Variants in MYH15 observed in about 807,000 individuals in gnomAD.
MYH15 encodes myosin-15.
A neutral mutation model predicts 240.5 loss-of-function variants in MYH15; 227 were observed. The observed-to-expected ratio is 0.94, with a 90% confidence interval of 0.85 to 1.05. The LOEUF (loss-of-function observed/expected upper bound fraction) is 1.05, where lower values mean the gene tolerates loss of function less well. Ranked by LOEUF, MYH15 falls within the 50% of genes least tolerant of loss-of-function variation. MYH15 has a pLI of 0.00. For synonymous variants in MYH15, 785 were observed against 796.7 expected (o/e 0.99, Z 0.25); for missense variants, 2,217 against 2,247.5 (o/e 0.99, Z 0.27).
chr3:108,398,611 T>C, intron 35 of MYH15, 26 bp downstream of exon 35: 2 of 1,610,784 alleles, frequency 1.2e-6, no homozygotes, highest in South Asian at 2.2e-5. Context: ...CTGGCCCAGC[T>C]AATAGGGAGA....
In MYH15 at chr3:108,522,332, T is replaced by C. The variant is rs1007420336; in HGVS notation, c.-58+6931A>G. ...AAAGGGTAGATAGGTGTGGTGACCCTGGAGATTCAAATTTTTCCTAGGGCA... is the reference window on the plus strand; with the variant it reads ...AAAGGGTAGATAGGTGTGGTGACCCCGGAGATTCAAATTTTTCCTAGGGCA... On this transcript the variant is annotated intron_variant, in intron 1 of 41. Coordinates refer to the MYH15 transcript ENST00000273353. Among the ~76,000 whole-genome samples the C allele has an allele frequency of 2.0e-5, 3 of 152,188 alleles. No individual in the cohort carries two copies. In the South Asian group the frequency reaches 6.2e-4, roughly 32 times the overall value.
chr3:108,468,983 T>C (rs556417544), intron 14 of MYH15, among the ~76,000 whole-genome samples: 95 of 152,320 alleles, frequency 6.2e-4, no homozygotes, highest in African/African-American at 2.2e-3. Flanking sequence ...TTTATCACTG[T>C]TTTTAATCAG....
intron 20 of MYH15, 149 bp from the exon 21 acceptor site, chr3:108,454,291 C>A: frequency 1.6e-6 from 1 of 642,772 alleles, no homozygotes. Flanking sequence ...AAATCTACTT[C>A]TTAGAAAGTT....
At chr3:108,478,924 CACTT>C (rs778403730) in intron 11 of MYH15, among the ~76,000 whole-genome samples, 89 of 152,278 alleles carry the variant, frequency 5.8e-4, no homozygotes, top group Non-Finnish European at 1.0e-3. Flanking sequence ...GATTATTTGT[CACTT>C]ACTCCAGAGA....
intron 27 of MYH15, among the ~76,000 whole-genome samples, chr3:108,425,931 A>G (rs2082721731): frequency 6.6e-6 from 1 of 152,208 alleles, no homozygotes; most frequent in Admixed American, 6.5e-5. Context: ...AAACTGGAAG[A>G]CAGACCATCC....
At position 108,388,952 on chromosome 3, in the gene MYH15, A is replaced by G; in HGVS notation, c.5535+18T>C. 2 of 1,609,110 alleles carry G rather than the reference A, an allele frequency of 1.2e-6. No individual in the cohort carries two copies. The highest frequency in any genetic ancestry group is 1.7e-6 in the Non-Finnish European group (2 of 1,176,606). On this transcript the variant is annotated intron_variant, in intron 38 of 40. Transcript: ENST00000693548. ...GTAGTGCCCAGCCAGACAAACAGGG[A>G]ATGGTTTCCTGGAGTACCTGATAGG...
intron 21 of MYH15, among the ~76,000 whole-genome samples, chr3:108,452,407 G>A (rs1294794453): frequency 6.6e-6 from 1 of 151,842 alleles, no homozygotes; most frequent in Non-Finnish European, 1.5e-5. Context: ...AAAAAAAAAG[G>A]AAATAACAAA....
At chr3:108,458,098 C>G (rs557130713) in intron 18 of MYH15, among the ~76,000 whole-genome samples, 2 of 152,222 alleles carry the variant, frequency 1.3e-5, no homozygotes, top group Non-Finnish European at 2.9e-5. Flanking sequence ...AATCCTATGA[C>G]ACCTTAACAT....
chr3:108,386,796 C>A (rs894791633), intron 38 of MYH15, among the ~76,000 whole-genome samples: 4 of 151,960 alleles, frequency 2.6e-5, no homozygotes, highest in African/African-American at 9.7e-5. Context: ...ATTTCCTTAT[C>A]CCTAAAAATG....
At chr3:108,431,660 G>A (rs1290206975) in intron 25 of MYH15, among the ~76,000 whole-genome samples, 1 of 152,172 alleles carries the variant, frequency 6.6e-6, no homozygotes, top group Non-Finnish European at 1.5e-5. Context: ...AGTAGAGTGG[G>A]GTGCTGATGA....
chr3:108,518,895 G>T (rs1386826135), intron 1 of MYH15, among the ~76,000 whole-genome samples: 1 of 151,982 alleles, frequency 6.6e-6, no homozygotes, highest in Non-Finnish European at 1.5e-5. Context: ...TTGTTTAATT[G>T]CCCATCTTCC....
chr3:108,513,514 T>G (rs911665483), upstream of MYH15, among the ~76,000 whole-genome samples: 3 of 152,190 alleles, frequency 2.0e-5, no homozygotes, highest in African/African-American at 7.2e-5. Flanking sequence ...CAATACATAC[T>G]GATTAGGTTC....
At chr3:108,406,522 T>C (rs1254318736) in intron 32 of MYH15, among the ~76,000 whole-genome samples, 4 of 152,216 alleles carry the variant, frequency 2.6e-5, no homozygotes, top group Non-Finnish European at 5.9e-5. Flanking sequence ...AATAGTGTAG[T>C]AGTTCCTTCA....
chr3:108,431,640 A>T (rs939081271), intron 25 of MYH15, among the ~76,000 whole-genome samples: 1 of 152,158 alleles, frequency 6.6e-6, no homozygotes, highest in African/African-American at 2.4e-5. Context: ...CTAATATAGA[A>T]ATTGGTACCA....
intron 20 of MYH15, among the ~76,000 whole-genome samples, chr3:108,454,820 G>A (rs1050452765): frequency 1.3e-5 from 2 of 152,198 alleles, no homozygotes; most frequent in Non-Finnish European, 2.9e-5. Context: ...AGTGCCCTGA[G>A]AGTGTGTGCC....
upstream of MYH15, among the ~76,000 whole-genome samples, chr3:108,531,440 C>T (rs1046167167): frequency 1.6e-4 from 24 of 152,026 alleles, no homozygotes; most frequent in Admixed American, 1.6e-3. Context: ...GGGTGTAAAT[C>T]GCCTGCTGGG....
chr3:108,455,405 TA>T (rs1467786575), intron 20 of MYH15, among the ~76,000 whole-genome samples: 2 of 152,220 alleles, frequency 1.3e-5, no homozygotes, highest in Non-Finnish European at 2.9e-5. Flanking sequence ...GACAAGCCAT[TA>T]GCTCCAGGAA....
chr3:108,439,571 G>A (rs939177528), intron 24 of MYH15, among the ~76,000 whole-genome samples, 166 bp downstream of exon 24: 8 of 152,096 alleles, frequency 5.3e-5, no homozygotes, highest in Non-Finnish European at 1.2e-4. Flanking sequence ...TTATACTATC[G>A]TGGTTTTGTG....
At chr3:108,475,727 T>C (rs1361783512) in intron 12 of MYH15, among the ~76,000 whole-genome samples, 1 of 152,192 alleles carries the variant, frequency 6.6e-6, no homozygotes, top group African/African-American at 2.4e-5. Flanking sequence ...GCCCAGCTTA[T>C]CTCATATTTT....
Sources: allele counts gnomAD v4.1 joint callset (sites outside exome capture counted in the v4.1 genomes callset), GRCh38; gene constraint gnomAD v4.1.1; transcripts MANE v1.5; gene names NCBI Gene and HGNC (gene_info 2026-07-23, HGNC 2026-07-21).